Variants in SORCS3 observed in about 807,000 individuals in gnomAD.
SORCS3 encodes the protein VPS10 domain-containing receptor SorCS3.
In SORCS3, 57 loss-of-function variants were observed where a neutral mutation model predicts 146.3. The ratio of observed to expected loss-of-function variants is 0.39; its 90% CI spans 0.31 to 0.49. SORCS3 has a LOEUF of 0.49. SORCS3 is among the 20% of genes least tolerant of loss of function. SORCS3 has a pLI of 0.92. For missense variants in SORCS3, 1,341 were observed against 1,575.5 expected, an observed-to-expected ratio of 0.85 and a Z score of 2.52; for synonymous variants, 653 against 618.5, an observed-to-expected ratio of 1.06 and a Z score of -0.83.
rs750257173 is a variant in SORCS3, at chr10:105,211,170, G to C, written c.2295G>C (p.Gln765His). 2.1e-5 allele frequency: 34 copies of C among 1,613,956 alleles called. No homozygotes were observed. In the Admixed American group the frequency reaches 5.7e-4, roughly 27 times the overall value. The change falls in exon 17 of 27, where the codon CAG becomes CAC. Residue 765 changes from glutamine to histidine, a missense_variant. Coordinates refer to ENST00000369701, the MANE Select transcript of SORCS3 (RefSeq NM_014978.3). ...DYGYERHGESQCVPAFWYNPA... is the reference protein window; with the variant it reads ...DYGYERHGESHCVPAFWYNPA... The stretch of plus-strand genomic sequence containing the variant: ...GGTATGAGAGACATGGGGAGAGCCA[G>C]TGTGTCCCAGCTTTCTGGTACAATC...
chr10:104,829,085 C>A (rs1275688482), intron 1 of SORCS3, among the ~76,000 whole-genome samples: 1 of 152,140 alleles, frequency 6.6e-6, no homozygotes. Flanking sequence ...CTTTGAACAC[C>A]TCTGGTAATA....
chr10:104,869,801 T>G (rs913646909), intron 2 of SORCS3, among the ~76,000 whole-genome samples: 3 of 152,250 alleles, frequency 2.0e-5, no homozygotes, highest in African/African-American at 4.8e-5. Context: ...CTGGCTAGGT[T>G]GTCAACCATT....
At chr10:105,256,251 A>G (rs1021212660) in intron 24 of SORCS3, among the ~76,000 whole-genome samples, 1 of 152,200 alleles carries the variant, frequency 6.6e-6, no homozygotes, top group African/African-American at 2.4e-5. Context: ...AAACAGGAAC[A>G]AACTCTAGTT....
At chr10:104,882,517 A>G (rs1451015153) in intron 2 of SORCS3, among the ~76,000 whole-genome samples, 1 of 152,168 alleles carries the variant, frequency 6.6e-6, no homozygotes, top group Admixed American at 6.5e-5. Flanking sequence ...GTGCTGGGGA[A>G]GGAGCATGGC....
chr10:104,834,755 G>C (rs1031436890), intron 1 of SORCS3, among the ~76,000 whole-genome samples: 1 of 148,446 alleles, frequency 6.7e-6, no homozygotes, highest in Non-Finnish European at 1.5e-5. Flanking sequence ...AGGCTGGTTT[G>C]TTTTCTTTAC....
chr10:104,683,021 A>G (rs1589456191), intron 1 of SORCS3, among the ~76,000 whole-genome samples: 1 of 152,064 alleles, frequency 6.6e-6, no homozygotes, highest in East Asian at 1.9e-4. Context: ...TGGGATCTCT[A>G]CCTACCCTTG....
At chr10:105,020,030 G>T (rs2055189563) in intron 4 of SORCS3, among the ~76,000 whole-genome samples, 1 of 152,068 alleles carries the variant, frequency 6.6e-6, no homozygotes, top group African/African-American at 2.4e-5. Context: ...ACTTACAATT[G>T]AATTTTAAGG....
At chr10:105,172,421 A>G (rs1178116351) in intron 13 of SORCS3, among the ~76,000 whole-genome samples, 1 of 152,168 alleles carries the variant, frequency 6.6e-6, no homozygotes, top group African/African-American at 2.4e-5. Context: ...TCTCTTTAGA[A>G]GGGTCACATG....
intron 3 of SORCS3, among the ~76,000 whole-genome samples, chr10:104,938,938 A>G (rs1029060130): frequency 2.6e-5 from 4 of 152,166 alleles, no homozygotes; most frequent in African/African-American, 9.7e-5. Context: ...GGGCTAACTA[A>G]TGAAGAGGTC....
At chr10:105,261,552 G>T (rs771648577) in intron 25 of SORCS3, among the ~76,000 whole-genome samples, 2 of 152,152 alleles carry the variant, frequency 1.3e-5, no homozygotes, top group African/African-American at 2.4e-5. Flanking sequence ...AGAAGCCCTG[G>T]ATTAAAGGAA....
chr10:104,840,861 T>A (rs1445976134), intron 1 of SORCS3, among the ~76,000 whole-genome samples: 10 of 10,902 alleles, frequency 9.2e-4, no homozygotes, highest in African/African-American at 6.0e-3. Flanking sequence ...AATGAAATGG[T>A]CTGACTTGCT....
At chr10:104,863,786 G>T (rs777231717) in intron 2 of SORCS3, among the ~76,000 whole-genome samples, 2 of 152,192 alleles carry the variant, frequency 1.3e-5, no homozygotes, top group Non-Finnish European at 2.9e-5. Flanking sequence ...CTGCTCTGTA[G>T]CATATCTTAC....
chr10:104,824,366 A>G (rs1040385577), intron 1 of SORCS3, among the ~76,000 whole-genome samples: 2 of 152,144 alleles, frequency 1.3e-5, no homozygotes, highest in Non-Finnish European at 2.9e-5. Context: ...TTTTGCAGGA[A>G]GTTGTATAAG....
At chr10:104,647,524 G>C (rs868619960) in intron 1 of SORCS3, among the ~76,000 whole-genome samples, 3 of 152,310 alleles carry the variant, frequency 2.0e-5, no homozygotes, top group Middle Eastern at 6.8e-3. Context: ...TTGAGGGTAA[G>C]AGCTGAAATA....
intron 1 of SORCS3, among the ~76,000 whole-genome samples, chr10:104,745,367 A>G (rs1589482436): frequency 1.3e-5 from 2 of 152,230 alleles, no homozygotes; most frequent in African/African-American, 2.4e-5. Context: ...ATCTATTAGT[A>G]TATACTTATA....
intron 3 of SORCS3, among the ~76,000 whole-genome samples, chr10:104,964,067 G>T (rs2054812578): frequency 6.6e-6 from 1 of 151,966 alleles, no homozygotes; most frequent in Non-Finnish European, 1.5e-5. Context: ...ACCTCTCCCT[G>T]GTCTCTTTGA....
chr10:104,646,040 T>A (rs1301457020), intron 1 of SORCS3, among the ~76,000 whole-genome samples: 2 of 152,160 alleles, frequency 1.3e-5, no homozygotes, highest in African/African-American at 2.4e-5. Flanking sequence ...TCAATTAGTA[T>A]TACAAGGGGA....
chr10:104,829,228 G>A (rs2017974514), intron 1 of SORCS3, among the ~76,000 whole-genome samples: 1 of 152,186 alleles, frequency 6.6e-6, no homozygotes, highest in Admixed American at 6.5e-5. Context: ...GTAACCTAGA[G>A]TCAGAGATGC....
chr10:105,004,955 C>T (rs2055085896), intron 4 of SORCS3, among the ~76,000 whole-genome samples: 1 of 152,140 alleles, frequency 6.6e-6, no homozygotes, highest in Admixed American at 6.5e-5. Flanking sequence ...GGAGAGGCAA[C>T]CATGAATATG....
Sources: allele counts gnomAD v4.1 joint callset (sites outside exome capture counted in the v4.1 genomes callset), GRCh38; gene constraint gnomAD v4.1.1; transcripts MANE v1.5; gene names NCBI Gene and HGNC (gene_info 2026-07-23, HGNC 2026-07-21).